Variants in KLF12 observed in about 807,000 individuals in gnomAD.
KLF12 encodes Krueppel-like factor 12.
In KLF12, 9 loss-of-function variants were observed where a neutral mutation model predicts 37.8. That is an observed-to-expected ratio of 0.24 (90% CI 0.14 to 0.42). The LOEUF (loss-of-function observed/expected upper bound fraction) is 0.42, where lower values mean the gene tolerates loss of function less well. Among genes scored for constraint, KLF12 ranks in the 10% least tolerant of loss-of-function variants. KLF12 has a pLI of 1.00. For synonymous variants in KLF12, 208 were observed against 202.1 expected, an observed-to-expected ratio of 1.03 and a Z score of -0.25; for missense variants, 411 against 516.0, an observed-to-expected ratio of 0.80 and a Z score of 1.97.
intron 1 of KLF12, among the ~76,000 whole-genome samples, chr13:74,122,511 T>C (rs774562895): frequency 3.3e-5 from 5 of 152,056 alleles, no homozygotes; most frequent in Admixed American, 6.6e-5. Context: ...TTTATGAAAA[T>C]TGATACATCT....
chr13:73,897,399 T>C (rs1887833503), intron 3 of KLF12, among the ~76,000 whole-genome samples: 1 of 152,158 alleles, frequency 6.6e-6, no homozygotes, highest in Non-Finnish European at 1.5e-5. Context: ...ATATCCATGT[T>C]TACGACCCTT....
chr13:73,886,727 C>G (rs2138990079), intron 3 of KLF12, among the ~76,000 whole-genome samples: 1 of 152,292 alleles, frequency 6.6e-6, no homozygotes, highest in East Asian at 1.9e-4. Flanking sequence ...CACGGTGGCT[C>G]ACGCCTGTAA....
chr13:74,177,699 G>A, the KLF12 span, among the ~76,000 whole-genome samples: 5 of 152,160 alleles, frequency 3.3e-5, no homozygotes, highest in Admixed American at 2.0e-4. Flanking sequence ...GCCTTTGTAC[G>A]AGTTCAGGTG....
intron 7 of KLF12, among the ~76,000 whole-genome samples, chr13:73,697,918 C>A (rs555159252): frequency 6.6e-6 from 1 of 151,938 alleles, no homozygotes; most frequent in South Asian, 2.1e-4. Flanking sequence ...TTTGGGAGGC[C>A]GAGGTGGGAG....
At chr13:73,890,461 C>T (rs1169152691) in intron 3 of KLF12, among the ~76,000 whole-genome samples, 1 of 152,082 alleles carries the variant, frequency 6.6e-6, no homozygotes, top group Non-Finnish European at 1.5e-5. Context: ...AATCACCTTA[C>T]ATACTTGTAA....
At chr13:73,803,772 TCACACACACACACACACACA>T (rs4053528) in intron 5 of KLF12, among the ~76,000 whole-genome samples, 17 of 142,058 alleles carry the variant, frequency 1.2e-4, no homozygotes, top group Admixed American at 5.7e-4. Flanking sequence ...TACTGCAGAG[TCACACACACACACACACACA>T]CACACACACA....
At chr13:73,924,327 C>T (rs989789457) in intron 3 of KLF12, among the ~76,000 whole-genome samples, 8 of 152,140 alleles carry the variant, frequency 5.3e-5, no homozygotes, top group African/African-American at 1.9e-4. Flanking sequence ...TCTATTGGTG[C>T]CACTTTTCCA....
intron 3 of KLF12, among the ~76,000 whole-genome samples, chr13:73,893,447 T>A (rs1026796735): frequency 1.4e-5 from 2 of 143,624 alleles, no homozygotes; most frequent in Non-Finnish European, 3.0e-5. Flanking sequence ...AGTGGCGCGA[T>A]CTCCACTTAC....
At chr13:73,972,524 A>AT (rs1244956310) in intron 2 of KLF12, among the ~76,000 whole-genome samples, 3 of 150,934 alleles carry the variant, frequency 2.0e-5, no homozygotes, top group African/African-American at 7.3e-5. Context: ...GCATTTAAAC[A>AT]TAAATGTCAT....
At chr13:73,862,085 G>T (rs1243568722) in intron 3 of KLF12, among the ~76,000 whole-genome samples, 1 of 150,078 alleles carries the variant, frequency 6.7e-6, no homozygotes, top group Non-Finnish European at 1.5e-5. Context: ...AAATCAAAGG[G>T]TATTGAGGTT....
chr13:73,894,556 A>T (rs1354161419), intron 3 of KLF12, among the ~76,000 whole-genome samples: 1 of 152,074 alleles, frequency 6.6e-6, no homozygotes, highest in African/African-American at 2.4e-5. Context: ...TAGCACGCCC[A>T]CTCTACTAAA....
At chr13:74,063,187 A>G (rs533090950) in intron 1 of KLF12, among the ~76,000 whole-genome samples, 48 of 152,342 alleles carry the variant, frequency 3.2e-4, no homozygotes, top group African/African-American at 9.4e-4. Context: ...ACTCTAATGC[A>G]GTCTGCTCCT....
intron 5 of KLF12, among the ~76,000 whole-genome samples, chr13:73,774,301 C>T (rs201771991): frequency 2.2e-5 from 3 of 134,560 alleles, no homozygotes; most frequent in African/African-American, 5.9e-5. Flanking sequence ...CACACACACA[C>T]ATCTATATAT....
At chr13:73,817,310 T>A in intron 4 of KLF12, among the ~76,000 whole-genome samples, 1 of 120,824 alleles carries the variant, frequency 8.3e-6, no homozygotes. Context: ...CAGAGTGAGA[T>A]CCTGTTTCAA....
At chr13:74,278,612 T>G in the KLF12 span, among the ~76,000 whole-genome samples, 9 of 152,290 alleles carry the variant, frequency 5.9e-5, no homozygotes, top group African/African-American at 1.9e-4. Context: ...CTCTTTTGAC[T>G]TGAGGCAGAG....
the KLF12 span, among the ~76,000 whole-genome samples, chr13:74,153,400 A>G: frequency 0.04 from 6,083 of 152,308 alleles, 162 homozygotes; most frequent in Middle Eastern, 0.1. Context: ...CATCTGGTCC[A>G]GAGGTTACCG....
intron 3 of KLF12, among the ~76,000 whole-genome samples, chr13:73,918,712 G>A (rs1304224751): frequency 1.3e-5 from 2 of 152,040 alleles, no homozygotes; most frequent in Non-Finnish European, 2.9e-5. Flanking sequence ...ATCCAACAAG[G>A]ACTTATTTCT....
chr13:73,877,895 T>C (rs1395528300), intron 3 of KLF12, among the ~76,000 whole-genome samples: 1 of 152,134 alleles, frequency 6.6e-6, no homozygotes, highest in Non-Finnish European at 1.5e-5. Flanking sequence ...TTCCCTGTTT[T>C]CACGCCCAAA....
chr13:74,020,423 G>T (rs945795130), intron 1 of KLF12, among the ~76,000 whole-genome samples: 1 of 152,124 alleles, frequency 6.6e-6, no homozygotes, highest in African/African-American at 2.4e-5. Context: ...GTCTTAGCAC[G>T]AATAGGAAGC....
Sources: gnomAD v4.1 joint callset for allele counts (sites outside exome capture counted in the v4.1 genomes callset) on GRCh38, gnomAD v4.1.1 for gene constraint, MANE v1.5 for transcripts, NCBI Gene and HGNC (gene_info 2026-07-23, HGNC 2026-07-21) for gene names.